Variants in TSNARE1 observed in about 807,000 individuals in gnomAD.
TSNARE1 encodes the protein t-SNARE domain containing 1, also known as t-SNARE domain-containing protein 1.
TSNARE1 carries 49 observed loss-of-function variants against 62.0 expected under a neutral mutation model. The observed-to-expected ratio is 0.79, with a 90% CI of 0.63 to 1.00. TSNARE1 has a LOEUF of 1.00. Among genes scored for constraint, TSNARE1 ranks in the 50% least tolerant of loss-of-function variants. The pLI is 0.00. For synonymous variants in TSNARE1, 328 were observed against 294.4 expected, an observed-to-expected ratio of 1.11 and a Z score of -1.17; for missense variants, 755 against 700.1, an observed-to-expected ratio of 1.08 and a Z score of -0.88.
intron 13 of TSNARE1, among the ~76,000 whole-genome samples, chr8:142,223,064 T>TCA (rs1816513616): frequency 4.7e-5 from 7 of 148,888 alleles, no homozygotes; most frequent in East Asian, 2.1e-4. Flanking sequence ...ACTCATTCAC[T>TCA]TACTCGCTCA....
intron 10 of TSNARE1, among the ~76,000 whole-genome samples, chr8:142,292,073 G>A (rs190730202): frequency 6.6e-6 from 1 of 152,048 alleles, no homozygotes; most frequent in East Asian, 1.9e-4. Context: ...GCATCCTCCA[G>A]GGCCCAGCCT....
intron 13 of TSNARE1, among the ~76,000 whole-genome samples, chr8:142,222,796 C>CCACTCACTCACTCATTCACT (rs1563756044): frequency 1.6e-5 from 1 of 61,710 alleles, no homozygotes; most frequent in Non-Finnish European, 3.1e-5. Context: ...ACTCACTCAT[C>CCACTCACTCACTCATTCACT]CACTCACTCA....
At chr8:142,274,651 G>A (rs1006666566) in intron 12 of TSNARE1, 130 bp downstream of exon 12, 21 of 1,362,630 alleles carry the variant, frequency 1.5e-5, no homozygotes, top group South Asian at 1.8e-5. Flanking sequence ...TGGTTCAGAG[G>A]AGGCCTGTGG....
At chr8:142,284,386 T>C in intron 11 of TSNARE1, 27 bp downstream of exon 11, 1 of 1,600,214 alleles carries the variant, frequency 6.2e-7, no homozygotes, top group Non-Finnish European at 8.6e-7. Flanking sequence ...GGGCAGCAGG[T>C]GGCCCGAGGC....
intron 12 of TSNARE1, among the ~76,000 whole-genome samples, chr8:142,240,446 C>T (rs1334123192): frequency 6.6e-6 from 1 of 151,698 alleles, no homozygotes; most frequent in Non-Finnish European, 1.5e-5. Context: ...GTCACACAGA[C>T]CAAAAAGAGG....
chr8:142,273,650 A>C (rs769092832), intron 12 of TSNARE1: 2 of 985,266 alleles, frequency 2.0e-6, no homozygotes, highest in Non-Finnish European at 2.4e-6. Context: ...CCCGACAGAA[A>C]TGGGGAGGCC....
chr8:142,218,616 G>C (rs1303108853), intron 13 of TSNARE1, among the ~76,000 whole-genome samples: 2 of 152,186 alleles, frequency 1.3e-5, no homozygotes. Flanking sequence ...GCAGGCATCT[G>C]CCCCTGTTGA....
At chr8:142,215,769 C>T (rs1815803579) in intron 13 of TSNARE1, among the ~76,000 whole-genome samples, 1 of 152,188 alleles carries the variant, frequency 6.6e-6, no homozygotes, top group Non-Finnish European at 1.5e-5. Context: ...CATGTGGGCA[C>T]CTTTGCTGAG....
chr8:142,346,429 G>A (rs567650055), intron 2 of TSNARE1, among the ~76,000 whole-genome samples: 78 of 152,366 alleles, frequency 5.1e-4, no homozygotes, highest in Non-Finnish European at 9.1e-4. Context: ...CGCACGGAAC[G>A]CATCGTAATT....
rs114520281 is a variant in TSNARE1, at chr8:142,280,798, G to C, written c.1363+3615C>G. On this transcript the variant is annotated intron_variant, in intron 11 of 13. Coordinates refer to ENST00000524325, the MANE Select transcript of TSNARE1 (RefSeq NM_145003.5). ...TCTGGAAGCTGACAGTGGGGAGAAG[G>C]GGGGAGGACAGAGCGATAGGAGGGG... Among the ~76,000 whole-genome samples the C allele has an allele frequency of 2.6e-4, 40 of 152,284 alleles. No individual in the cohort carries two copies. The South Asian group carries it at 4.8e-3, about 18-fold the overall frequency.
In TSNARE1 at chr8:142,276,886, A is replaced by G. The variant is rs115149028; in HGVS notation, c.1364-2023T>C. 9.5e-3 allele frequency: 9,343 copies of G among 985,432 alleles called. 152 individuals are homozygous for G. The highest frequency in any genetic ancestry group is 0.069 in the African/African-American group (3,936 of 57,346). 61.0% of individuals were successfully genotyped at this position (985,432 alleles called of 1,614,324 possible). A position where few individuals can be genotyped will look rare whatever the true frequency, so the allele number is the denominator to read the frequency against. The stretch of plus-strand genomic sequence containing the variant: ...AAGACACCTCACACAACCACTGCCC[A>G]GCTCCGCAGCCAGCAACATCTCCCT... On this transcript the variant is annotated intron_variant, in intron 11 of 13. Transcript: ENST00000524325.
At chr8:142,344,865 G>A (rs1833147464) in intron 3 of TSNARE1, among the ~76,000 whole-genome samples, 1 of 152,222 alleles carries the variant, frequency 6.6e-6, no homozygotes, top group South Asian at 2.1e-4. Context: ...CTCGCCTGGG[G>A]ACAGCCTTGC....
chr8:142,345,722 C>A, intron 3 of TSNARE1, 21 bp downstream of exon 3: 1 of 1,567,232 alleles, frequency 6.4e-7, no homozygotes, highest in Middle Eastern at 1.7e-4. Context: ...ACCCCTGAGA[C>A]CCAGCGTCTG....
chr8:142,364,845 G>A (rs1347795010), intron 1 of TSNARE1, among the ~76,000 whole-genome samples: 1 of 152,108 alleles, frequency 6.6e-6, no homozygotes, highest in Non-Finnish European at 1.5e-5. Context: ...AGATGAATAA[G>A]TAGAAAAAAA....
At chr8:142,260,705 C>T (rs1470562764) in intron 12 of TSNARE1, among the ~76,000 whole-genome samples, 1 of 151,926 alleles carries the variant, frequency 6.6e-6, no homozygotes, top group East Asian at 2.0e-4. Context: ...ACGCCCCAGC[C>T]TCACCAGTTC....
intron 10 of TSNARE1, among the ~76,000 whole-genome samples, chr8:142,296,251 G>A (rs1306622175): frequency 2.2e-5 from 1 of 45,824 alleles, no homozygotes; most frequent in African/African-American, 1.0e-4. Flanking sequence ...TGGGGGAGGG[G>A]GTGGTCACCG....
chr8:142,332,228 C>T (rs904501989), intron 4 of TSNARE1, among the ~76,000 whole-genome samples: 13 of 152,346 alleles, frequency 8.5e-5, no homozygotes, highest in South Asian at 2.1e-4. Flanking sequence ...AGCTCTGCAC[C>T]GGCAGCTCAG....
At chr8:142,229,360 G>A in intron 13 of TSNARE1, 113 bp downstream of exon 13, 2 of 848,924 alleles carry the variant, frequency 2.4e-6, no homozygotes, top group South Asian at 3.0e-5. Flanking sequence ...GGATAAATGG[G>A]TGGATGGATA....
chr8:142,276,670 T>A, intron 11 of TSNARE1: 2 of 985,390 alleles, frequency 2.0e-6, no homozygotes, highest in Non-Finnish European at 2.4e-6. Context: ...ACCCCACCCT[T>A]GGACTCAGCC....
Sources: allele counts gnomAD v4.1 joint callset (sites outside exome capture counted in the v4.1 genomes callset), GRCh38; gene constraint gnomAD v4.1.1; transcripts MANE v1.5; gene names NCBI Gene and HGNC (gene_info 2026-07-23, HGNC 2026-07-21).